ISOC1: variants seen among roughly 807,000 people sequenced by gnomAD.
ISOC1 encodes the protein isochorismatase domain containing 1.
ISOC1 carries 33 observed loss-of-function variants against 30.0 expected under a neutral mutation model. The observed-to-expected ratio is 1.10, with a 90% confidence interval of 0.83 to 1.47. The LOEUF is 1.47. ISOC1 is among the 40% of genes most tolerant of loss of function. The probability of loss-of-function intolerance (pLI) is 0.00; values close to 1 mark genes in which losing one functional copy is unlikely to be tolerated. For missense variants in ISOC1, 372 were observed against 388.0 expected, an observed-to-expected ratio of 0.96 and a Z score of 0.35; for synonymous variants, 178 against 159.8, an observed-to-expected ratio of 1.11 and a Z score of -0.86.
intron 1 of ISOC1, among the ~76,000 whole-genome samples, chr5:129,101,043 G>GTTTA (rs1417992258): frequency 6.7e-6 from 1 of 149,090 alleles, no homozygotes; most frequent in East Asian, 2.0e-4. Flanking sequence ...TTGTTTGTTT[G>GTTTA]TTTGTGAGAC....
intron 3 of ISOC1, 130 bp downstream of exon 3, chr5:129,105,518 G>A (rs1187480408): frequency 2.7e-6 from 2 of 737,224 alleles, no homozygotes; most frequent in Non-Finnish European, 4.4e-6. Flanking sequence ...CATGTATTAT[G>A]TTCACTATTT....
intron 1 of ISOC1, among the ~76,000 whole-genome samples, chr5:129,103,526 C>G (rs549203942): frequency 6.6e-6 from 1 of 152,246 alleles, no homozygotes; most frequent in East Asian, 1.9e-4. Context: ...TAATACACAT[C>G]TATAGAGTCA....
intron 1 of ISOC1, among the ~76,000 whole-genome samples, chr5:129,096,146 T>C (rs1753497263): frequency 6.6e-6 from 1 of 152,238 alleles, no homozygotes; most frequent in South Asian, 2.1e-4. Context: ...AGTGTAGTGA[T>C]CAAATCAGGG....
chr5:129,109,730 T>A (rs565960640), intron 4 of ISOC1, among the ~76,000 whole-genome samples: 1 of 152,202 alleles, frequency 6.6e-6, no homozygotes, highest in Non-Finnish European at 1.5e-5. Flanking sequence ...GGAGGCGATA[T>A]ACCTTGTTCC....
At chr5:129,096,868 C>T (rs962760123) in intron 1 of ISOC1, among the ~76,000 whole-genome samples, 2 of 152,062 alleles carry the variant, frequency 1.3e-5, no homozygotes, top group Non-Finnish European at 2.9e-5. Context: ...TGTAAGAGTC[C>T]CCGCCTTCCA....
chr5:129,099,231 C>T (rs901989001), intron 1 of ISOC1, among the ~76,000 whole-genome samples: 1 of 152,086 alleles, frequency 6.6e-6, no homozygotes, highest in Admixed American at 6.6e-5. Context: ...ATTTAGCTAA[C>T]CAAGGGAATC....
At chr5:129,100,057 G>C (rs1427278842) in intron 1 of ISOC1, among the ~76,000 whole-genome samples, 1 of 152,158 alleles carries the variant, frequency 6.6e-6, no homozygotes, top group East Asian at 1.9e-4. Flanking sequence ...TTGGAGCCAG[G>C]CCTTACTATA....
At chr5:129,110,651 T>G (rs1753694362) in intron 4 of ISOC1, among the ~76,000 whole-genome samples, 1 of 152,200 alleles carries the variant, frequency 6.6e-6, no homozygotes, top group East Asian at 1.9e-4. Context: ...GCCCCTGCTA[T>G]GGCCACCTGA....
intron 1 of ISOC1, among the ~76,000 whole-genome samples, chr5:129,095,886 C>G (rs1753494552): frequency 6.6e-6 from 1 of 152,136 alleles, no homozygotes; most frequent in African/African-American, 2.4e-5. Context: ...AGATTGTTCA[C>G]TGGCGAATTT....
At position 129,094,760 on chromosome 5, in the gene ISOC1, G is replaced by C; in HGVS notation, c.-7G>C. On this transcript the variant is annotated 5_prime_UTR_variant, in exon 1 of 5. Transcript: ENST00000173527. ...CGGCCTCGGAGCTCGCAGACGCTCGGGGGAACATGGCGGCTGCGGAGCCGG... is the reference window on the plus strand; with the variant it reads ...CGGCCTCGGAGCTCGCAGACGCTCGCGGGAACATGGCGGCTGCGGAGCCGG... 6.8e-7 allele frequency: 1 copy of C among 1,476,468 alleles called. No homozygotes were observed. The highest frequency in any genetic ancestry group is 8.9e-7 in the Non-Finnish European group (1 of 1,118,418). 91.5% of individuals were successfully genotyped at this position (1,476,468 alleles called of 1,614,324 possible).
intron 1 of ISOC1, among the ~76,000 whole-genome samples, chr5:129,100,926 A>C (rs1216923412): frequency 6.6e-6 from 1 of 151,328 alleles, no homozygotes; most frequent in Non-Finnish European, 1.5e-5. Context: ...AAAAAAAACT[A>C]ACTTTTTATT....
Position 129,094,839 on chromosome 5 carries a change from A to G in ISOC1, c.73A>G (p.Thr25Ala). 1 of 1,559,120 alleles carries G rather than the reference A, an allele frequency of 6.4e-7. No homozygotes were observed. ...CGGGGGCGCGGGGGCGCCGTCGGGCACAGTCCCGGTGCTCTTCTGTTTCTC... is the reference window on the plus strand; with the variant it reads ...CGGGGGCGCGGGGGCGCCGTCGGGCGCAGTCCCGGTGCTCTTCTGTTTCTC... ...GAGGAGAPSG[T>A]VPVLFCFSVF... Residue 25 changes from threonine to alanine, a missense_variant, in exon 1 of 5, where the codon ACA becomes GCA. Physicochemically the swap from Thr to Ala is moderately conservative, Grantham distance 58 (BLOSUM62 0). Transcript: ENST00000173527.
At chr5:129,105,154 A>G (rs776024872) in intron 2 of ISOC1, 31 bp from the exon 3 acceptor site, 1 of 1,612,572 alleles carries the variant, frequency 6.2e-7, no homozygotes, top group Non-Finnish European at 8.5e-7. Context: ...TATATAGCTA[A>G]TTGTTTTTGT....
intron 1 of ISOC1, among the ~76,000 whole-genome samples, chr5:129,104,100 C>G (rs1019629591): frequency 1.3e-5 from 2 of 152,104 alleles, no homozygotes; most frequent in African/African-American, 4.8e-5. Context: ...CATTGACTTT[C>G]CTTATCGTGA....
In ISOC1 at chr5:129,113,251, A is replaced by T; in HGVS notation, c.*250A>T. 2.9e-6 allele frequency: 1 copy of T among 339,584 alleles called. No homozygotes were observed. The allele number at this position is 339,584 out of a possible 1,614,324, so 21.0% of individuals were successfully genotyped here. A position where few individuals can be genotyped will look rare whatever the true frequency, so the allele number is the denominator to read the frequency against. On this transcript the variant is annotated 3_prime_UTR_variant, in exon 5 of 5. Coordinates refer to ENST00000173527, the MANE Select transcript of ISOC1 (RefSeq NM_016048.2). The stretch of plus-strand genomic sequence containing the variant: ...AATGTGCTTTTATTTATTAAAAAAA[A>T]TTACAATGAAGATGCCTGTTTTGTC...
intron 1 of ISOC1, 48 bp downstream of exon 1, chr5:129,095,123 C>A (rs79834801): frequency 0.094 from 138,823 of 1,478,842 alleles, 7,302 homozygotes; most frequent in East Asian, 0.19. Flanking sequence ...GAGTCGTCCC[C>A]GTCCCCGTCC....
intron 1 of ISOC1, among the ~76,000 whole-genome samples, chr5:129,101,926 A>G (rs1216122671): frequency 6.6e-6 from 1 of 152,134 alleles, no homozygotes; most frequent in African/African-American, 2.4e-5. Context: ...GATTCATTTG[A>G]TGTTTTTCTC....
chr5:129,105,299 A>G lies in ISOC1; in HGVS notation c.544A>G (p.Lys182Glu). Residue 182 changes from lysine (K) to glutamate (E), a missense_variant, in exon 3 of 5, where the codon AAG (lysine) becomes GAG (glutamate). Coordinates refer to ENST00000173527, the MANE Select transcript of ISOC1 (RefSeq NM_016048.2). ...AACAGGTGTAAAACTGGTACTTCCA[A>G]AGACCAAGTTTTCAATGGTATTACC... is the stretch of plus-strand genomic sequence containing the variant. Reference protein sequence around the residue: ...DLTGVKLVLPKTKFSMVLPEV... With the variant: ...DLTGVKLVLPETKFSMVLPEV... 1 of 1,613,942 alleles carries G rather than the reference A, an allele frequency of 6.2e-7. No homozygotes were observed. Among genetic ancestry groups the G allele is most frequent in the Non-Finnish European group, 8.5e-7 (1 of 1,179,862 alleles).
At chr5:129,100,528 C>T (rs1217462889) in intron 1 of ISOC1, among the ~76,000 whole-genome samples, 1 of 151,954 alleles carries the variant, frequency 6.6e-6, no homozygotes, top group Non-Finnish European at 1.5e-5. Context: ...TGTTTATATT[C>T]CTTAAATATG....
Sources: gnomAD v4.1 joint callset for allele counts (sites outside exome capture counted in the v4.1 genomes callset) on GRCh38, gnomAD v4.1.1 for gene constraint, MANE v1.5 for transcripts, NCBI Gene and HGNC (gene_info 2026-07-23, HGNC 2026-07-21) for gene names.